The following LRBA variants were observed in gnomAD, a reference collection of about 807,000 sequenced individuals.
The protein encoded by LRBA is LPS responsive beige-like anchor protein.
Under a neutral mutation model 330.0 loss-of-function variants are expected in LRBA, and 176 were observed. The ratio of observed to expected loss-of-function variants is 0.53; its 90% confidence interval spans 0.47 to 0.60. The LOEUF (loss-of-function observed/expected upper bound fraction) is 0.60, where lower values mean the gene tolerates loss of function less well. Ranked by LOEUF, LRBA falls within the 20% of genes least tolerant of loss-of-function variation. LRBA has a pLI of 0.00. For synonymous variants in LRBA, 1,230 were observed against 1,193.0 expected (o/e 1.03, Z -0.64); for missense variants, 3,259 against 3,444.8 (o/e 0.95, Z 1.35).
intron 22 of LRBA, among the ~76,000 whole-genome samples, chr4:150,857,794 C>T (rs376334920): frequency 5.3e-5 from 8 of 152,112 alleles, no homozygotes; most frequent in African/African-American, 1.4e-4. Flanking sequence ...ATCATTTACA[C>T]GGTCACTCCT....
chr4:150,940,513 G>A (rs1201834), intron 2 of LRBA, among the ~76,000 whole-genome samples: 146,126 of 152,340 alleles, frequency 0.96, 70,364 homozygotes, highest in Non-Finnish European at 1. Context: ...ATATATGCAG[G>A]TACATTTTAA....
At chr4:150,430,338 C>T (rs556782054) in intron 46 of LRBA, among the ~76,000 whole-genome samples, 79 of 152,234 alleles carry the variant, frequency 5.2e-4, no homozygotes, top group African/African-American at 1.7e-3. Flanking sequence ...ATTCATGTCA[C>T]TTCTTTGCTT....
chr4:150,545,711 G>T (rs1377689673), intron 40 of LRBA, among the ~76,000 whole-genome samples: 6 of 152,040 alleles, frequency 3.9e-5, no homozygotes, highest in African/African-American at 7.2e-5. Flanking sequence ...GACATAAAAA[G>T]TTAGATTAGA....
intron 36 of LRBA, among the ~76,000 whole-genome samples, chr4:150,715,844 T>C (rs1334213885): frequency 1.3e-5 from 2 of 152,178 alleles, no homozygotes; most frequent in Non-Finnish European, 2.9e-5. Flanking sequence ...TAAGAGAACA[T>C]TTTGTTTTTA....
At chr4:150,642,029 C>T (rs1581900489) in intron 37 of LRBA, among the ~76,000 whole-genome samples, 1 of 151,996 alleles carries the variant, frequency 6.6e-6, no homozygotes, top group East Asian at 1.9e-4. Flanking sequence ...ATTTAATTTA[C>T]AGCACTGTCT....
At chr4:150,934,756 C>G (rs1734897367) in intron 2 of LRBA, among the ~76,000 whole-genome samples, 1 of 152,116 alleles carries the variant, frequency 6.6e-6, no homozygotes, top group South Asian at 2.1e-4. Flanking sequence ...CGCCTGTAAT[C>G]CCAGCACTTT....
At chr4:150,630,432 G>C (rs989503652) in intron 37 of LRBA, among the ~76,000 whole-genome samples, 2 of 152,298 alleles carry the variant, frequency 1.3e-5, no homozygotes, top group Admixed American at 1.3e-4. Flanking sequence ...AAAAAAGTCA[G>C]AAATTGAGCT....
chr4:150,897,173 CAACT>C (rs1224057427), intron 15 of LRBA, among the ~76,000 whole-genome samples: 2 of 151,752 alleles, frequency 1.3e-5, no homozygotes, highest in African/African-American at 4.8e-5. Context: ...TCTTATGTGA[CAACT>C]AATAAAGCAT....
chr4:150,896,393 C>T lies in LRBA; in HGVS notation c.2067+1G>A. On this transcript the variant is annotated splice_donor_variant, in intron 16 of 56. Coordinates refer to ENST00000651943, the MANE Select transcript of LRBA (RefSeq NM_001364905.1). LOFTEE classifies it high-confidence loss of function. Reference sequence around the variant, plus strand: ...TTCAAAATATAAAATTCATATATTACCTCATGCATAGTCAGTAGGTAATTA... The same window carrying T: ...TTCAAAATATAAAATTCATATATTATCTCATGCATAGTCAGTAGGTAATTA... 6.8e-7 allele frequency: 1 copy of T among 1,464,782 alleles called. No homozygotes were observed. Among genetic ancestry groups the T allele is most frequent in the Non-Finnish European group, 9.4e-7 (1 of 1,061,032 alleles). 90.7% of individuals were successfully genotyped at this position (1,464,782 alleles called of 1,614,324 possible).
intron 47 of LRBA, among the ~76,000 whole-genome samples, chr4:150,379,659 T>C (rs915199349): frequency 2.0e-5 from 3 of 152,212 alleles, no homozygotes; most frequent in Non-Finnish European, 2.9e-5. Context: ...AAATAACTCA[T>C]AGCATACATC....
intron 36 of LRBA, among the ~76,000 whole-genome samples, chr4:150,685,408 ATATATATATATATTTTTTTTTT>A (rs1457268978): frequency 2.6e-4 from 4 of 15,608 alleles, no homozygotes; most frequent in East Asian, 1.7e-3. Flanking sequence ...ATATATATAT[ATATATATATATATTTTTTTTTT>A]TTTTTTTTTT....
At chr4:150,864,631 A>T (rs1752433970) in intron 22 of LRBA, among the ~76,000 whole-genome samples, 1 of 139,472 alleles carries the variant, frequency 7.2e-6, no homozygotes, top group Non-Finnish European at 1.5e-5. Context: ...AAAAGCTCTC[A>T]TGGGCCCACG....
intron 53 of LRBA, among the ~76,000 whole-genome samples, chr4:150,296,118 A>G (rs546054312): frequency 1.1e-4 from 16 of 152,338 alleles, no homozygotes; most frequent in South Asian, 8.3e-4. Context: ...TTATCTATTT[A>G]TCCTAAATAC....
rs116132602 is a variant in LRBA at position 150,727,365 on chromosome 4, C to T, written c.5754+7893G>A. Among the ~76,000 whole-genome samples, 708 of 152,158 alleles carry T rather than the reference C, an allele frequency of 4.7e-3. 7 individuals carry two copies. Among genetic ancestry groups the T allele is most frequent in the African/African-American group, 0.016 (677 of 41,520 alleles). ...CTGGGATTACAGGTGTGACCCACCA[C>T]GCCCAGCCAGATATTTACAGAACAT... On this transcript the variant is annotated intron_variant, in intron 36 of 56. Coordinates refer to ENST00000651943, the MANE Select transcript of LRBA (RefSeq NM_001364905.1).
chr4:150,915,743 A>C lies in LRBA; in HGVS notation c.895-16T>G. 1 of 1,573,796 alleles carries C rather than the reference A, an allele frequency of 6.4e-7. No homozygotes were observed. Among genetic ancestry groups the C allele is most frequent in the South Asian group, 1.2e-5 (1 of 83,176 alleles). On this transcript the variant is annotated splice_polypyrimidine_tract_variant and intron_variant, in intron 7 of 56. Coordinates refer to ENST00000651943, the MANE Select transcript of LRBA (RefSeq NM_001364905.1). ...CCATATACCACTGCAGAAGCAAAAA[A>C]CAGTTAAAAATACAAAGATAACAAT...
In LRBA at chr4:150,831,847, C is replaced by T; in HGVS notation, c.4699G>A (p.Gly1567Ser). The T allele has an allele frequency of 6.3e-7, 1 of 1,598,142 alleles. No homozygotes were observed. The highest frequency in any genetic ancestry group is 8.5e-7 in the Non-Finnish European group (1 of 1,173,280). ...ERHSQSCTET[G>S]SENENVSLSE... ...AGTGATACATTCTCATTTTCACTGC[C>T]AGTTTCTGTACATGACTGGCTATGC... The change falls in exon 29 of 57, where the codon GGC becomes AGC. Residue 1567 changes from glycine (G) to serine (S), a missense_variant. Transcript: ENST00000651943.
intron 37 of LRBA, among the ~76,000 whole-genome samples, chr4:150,650,637 A>G (rs1235118918): frequency 6.6e-6 from 1 of 152,118 alleles, no homozygotes; most frequent in Non-Finnish European, 1.5e-5. Context: ...CTTTCCTATA[A>G]AAGTTTCTGG....
intron 47 of LRBA, among the ~76,000 whole-genome samples, chr4:150,398,436 A>G (rs1745039679): frequency 6.6e-6 from 1 of 152,188 alleles, no homozygotes. Context: ...TATGCTATGT[A>G]GAACAATTAT....
intron 42 of LRBA, among the ~76,000 whole-genome samples, chr4:150,473,821 A>G (rs955651926): frequency 1.3e-5 from 2 of 152,160 alleles, no homozygotes; most frequent in Admixed American, 6.6e-5. Context: ...CTCCTCTTAC[A>G]TATCTATACA....
Sources: gnomAD v4.1 joint callset for allele counts (sites outside exome capture counted in the v4.1 genomes callset) on GRCh38, gnomAD v4.1.1 for gene constraint, MANE v1.5 for transcripts, NCBI Gene and HGNC (gene_info 2026-07-23, HGNC 2026-07-21) for gene names.